The following ANO1 variants were observed in gnomAD, a reference collection of about 807,000 sequenced individuals.
The protein encoded by ANO1 is anoctamin-1.
ANO1 carries 59 observed loss-of-function variants against 124.0 expected under a neutral mutation model. The observed-to-expected ratio is 0.48, with a 90% CI of 0.39 to 0.59. ANO1 has a LOEUF of 0.59. Ranked by LOEUF, ANO1 falls within the 20% of genes least tolerant of loss-of-function variation. The pLI, the probability that ANO1 is intolerant of heterozygous loss-of-function variation, is 0.00. For synonymous variants in ANO1, 529 were observed against 532.0 expected (o/e 0.99, Z 0.08); for missense variants, 1,059 against 1,328.0 (o/e 0.80, Z 3.15).
At chr11:70,130,447 C>T (rs2046707864) in intron 10 of ANO1, among the ~76,000 whole-genome samples, 1 of 152,148 alleles carries the variant, frequency 6.6e-6, no homozygotes, top group East Asian at 1.9e-4. Flanking sequence ...GATTCCATTC[C>T]CACTCTGCTG....
Position 70,163,795 on chromosome 11 carries a change from G to A in ANO1, c.1950+455G>A, listed in dbSNP as rs201863676. Among the ~76,000 whole-genome samples the A allele has an allele frequency of 1.5e-3, 233 of 152,096 alleles. 2 individuals are homozygous for A. The highest frequency in any genetic ancestry group is 7.9e-3 in the East Asian group (41 of 5,172). On this transcript the variant is annotated intron_variant, in intron 19 of 25. Transcript: ENST00000355303. Reference sequence around the variant, plus strand: ...CTACTAAAAACGCAAAAAATTAGCCGGGTGTGGTGGTGCATGCCTGTAATC... The same window carrying A: ...CTACTAAAAACGCAAAAAATTAGCCAGGTGTGGTGGTGCATGCCTGTAATC...
At position 70,026,440 on chromosome 11, in the gene ANO1, G is replaced by C. The variant is rs1591042820; in HGVS notation, c.58+40274G>C. On this transcript the variant is annotated intron_variant, in intron 1 of 27. Coordinates refer to the ANO1 transcript ENST00000531349. ...CAACAGTAATAATGATGATGGTGGTGGTGGTGATGACAATGGTGATGATGG... is the reference window on the plus strand; with the variant it reads ...CAACAGTAATAATGATGATGGTGGTCGTGGTGATGACAATGGTGATGATGG... 5.3e-5 allele frequency among the ~76,000 whole-genome samples: 8 copies of C among 151,712 alleles called. No homozygotes were observed. The South Asian group carries it at 1.7e-3, about 32-fold the overall frequency.
chr11:69,986,452 AGGGGCCCCTGC>A (rs1353888828), intron 1 of ANO1, among the ~76,000 whole-genome samples: 1 of 152,074 alleles, frequency 6.6e-6, no homozygotes, highest in African/African-American at 2.4e-5. Context: ...GCCGCCGGGC[AGGGGCCCCTGC>A]GCGGCCCCTG....
chr11:70,010,181 A>ATGTGTGTG (rs1287857780), intron 1 of ANO1, among the ~76,000 whole-genome samples: 714 of 50,628 alleles, frequency 0.014, 10 homozygotes, highest in Middle Eastern at 0.025. Flanking sequence ...GTGTGTGTGT[A>ATGTGTGTG]TATATATATA....
At chr11:69,968,041 G>A in the ANO1 span, among the ~76,000 whole-genome samples, 3 of 152,186 alleles carry the variant, frequency 2.0e-5, no homozygotes, top group Non-Finnish European at 4.4e-5. Flanking sequence ...GGCATCAGGG[G>A]TGGGCAGGGA....
intron 1 of ANO1, among the ~76,000 whole-genome samples, chr11:70,043,212 G>A (rs1857208660): frequency 6.6e-6 from 1 of 152,160 alleles, no homozygotes; most frequent in Non-Finnish European, 1.5e-5. Context: ...CAGAATGGGA[G>A]TAACAACAGA....
intron 1 of ANO1, among the ~76,000 whole-genome samples, chr11:70,042,031 A>G (rs1220579693): frequency 6.6e-6 from 1 of 152,170 alleles, no homozygotes; most frequent in Non-Finnish European, 1.5e-5. Flanking sequence ...TGAGGTAGGA[A>G]AAGCACAGGA....
chr11:70,086,169 A>G (rs1282987526), intron 1 of ANO1, among the ~76,000 whole-genome samples: 1 of 152,222 alleles, frequency 6.6e-6, no homozygotes, highest in African/African-American at 2.4e-5. Flanking sequence ...AGCTCGAGGG[A>G]TGAGGCACAG....
At chr11:70,144,173 A>T (rs984313889) in intron 11 of ANO1, among the ~76,000 whole-genome samples, 1 of 152,188 alleles carries the variant, frequency 6.6e-6, no homozygotes, top group Non-Finnish European at 1.5e-5. Flanking sequence ...TGGGTATTTT[A>T]TACAAACGGG....
intron 8 of ANO1, among the ~76,000 whole-genome samples, chr11:70,123,980 G>GCAT (rs752154819): frequency 9.2e-5 from 14 of 152,096 alleles, no homozygotes; most frequent in Non-Finnish European, 1.6e-4. Context: ...GAGTATCTTT[G>GCAT]CATCCCGTGA....
intron 1 of ANO1, among the ~76,000 whole-genome samples, chr11:70,059,081 A>G (rs1247214701): frequency 6.6e-6 from 1 of 151,916 alleles, no homozygotes; most frequent in Non-Finnish European, 1.5e-5. Context: ...AGTCCCAGCT[A>G]CTTAGAAGGC....
chr11:70,027,025 C>A (rs1856920463), intron 1 of ANO1, among the ~76,000 whole-genome samples: 1 of 152,214 alleles, frequency 6.6e-6, no homozygotes, highest in African/African-American at 2.4e-5. Flanking sequence ...TCAAATGTGA[C>A]CTCCTCAGTC....
intron 22 of ANO1, among the ~76,000 whole-genome samples, chr11:70,174,579 G>T (rs2048613617): frequency 6.6e-6 from 1 of 152,062 alleles, no homozygotes. Flanking sequence ...CCTCCAACAT[G>T]AACTTTCCTC....
Position 70,167,242 on chromosome 11 carries a change from G to A in ANO1, c.2052G>A (p.Pro684=), listed in dbSNP as rs2048290371. 6.2e-7 allele frequency: 1 copy of A among 1,613,808 alleles called. No individual in the cohort carries two copies. Among genetic ancestry groups the A allele is most frequent in the African/African-American group, 1.3e-5 (1 of 74,910 alleles). The change falls in exon 21 of 26, where the codon CCG becomes CCA. Residue 684 remains proline, a splice_region_variant and synonymous_variant. Coordinates refer to ENST00000355303, the MANE Select transcript of ANO1 (RefSeq NM_018043.7). ...AACTGCATGATGTCTCATCTCTCAG[G>A]AAGATGAAGAAGCTCATCCGCTACC... ...IQNNLFEIGI[P]KMKKLIRYLK...
chr11:70,166,507 G>C (rs558564305), intron 20 of ANO1, among the ~76,000 whole-genome samples: 1 of 152,036 alleles, frequency 6.6e-6, no homozygotes, highest in African/African-American at 2.4e-5. Flanking sequence ...ACTTGGCCTC[G>C]TTGTTACCTT....
chr11:70,040,558 C>T (rs987327472), intron 1 of ANO1, among the ~76,000 whole-genome samples: 1 of 152,164 alleles, frequency 6.6e-6, no homozygotes, highest in Non-Finnish European at 1.5e-5. Flanking sequence ...CACCTGCAAT[C>T]CCAGCACTTG....
intron 14 of ANO1, among the ~76,000 whole-genome samples, chr11:70,155,525 C>T (rs543234557): frequency 2.0e-5 from 3 of 152,198 alleles, no homozygotes; most frequent in Admixed American, 6.5e-5. Flanking sequence ...ACCTAATTGG[C>T]GGATGTGCTT....
At chr11:70,019,554 C>G (rs1565162325) in intron 1 of ANO1, among the ~76,000 whole-genome samples, 1 of 70,268 alleles carries the variant, frequency 1.4e-5, no homozygotes, top group Non-Finnish European at 3.1e-5. Flanking sequence ...CTCAGCTCAC[C>G]CGAGCCAATT....
intron 2 of ANO1, among the ~76,000 whole-genome samples, chr11:70,094,233 C>T (rs532764235): frequency 7.9e-5 from 12 of 152,326 alleles, no homozygotes; most frequent in East Asian, 5.8e-4. Context: ...GTGGAGACCC[C>T]GCCCCTGCCC....
Sources: allele counts gnomAD v4.1 joint callset (sites outside exome capture counted in the v4.1 genomes callset), GRCh38; gene constraint gnomAD v4.1.1; transcripts MANE v1.5; gene names NCBI Gene and HGNC (gene_info 2026-07-23, HGNC 2026-07-21).